NDST1: variants seen among roughly 807,000 people sequenced by gnomAD.
NDST1 encodes the protein N-deacetylase and N-sulfotransferase 1, also known as bifunctional heparan sulfate N-deacetylase/N-sulfotransferase 1.
In NDST1, 35 loss-of-function variants were observed where a neutral mutation model predicts 92.8. The observed-to-expected ratio is 0.38, with a 90% CI of 0.29 to 0.50. NDST1 has a LOEUF of 0.50. Among genes scored for constraint, NDST1 ranks in the 20% least tolerant of loss-of-function variants. NDST1 has a pLI of 0.94. For synonymous variants in NDST1, 493 were observed against 500.3 expected (o/e 0.99, Z 0.19); for missense variants, 822 against 1,182.7 (o/e 0.69, Z 4.47).
intron 1 of NDST1, among the ~76,000 whole-genome samples, chr5:150,500,378 G>C (rs1753177033): frequency 6.6e-6 from 1 of 152,202 alleles, no homozygotes. Context: ...CTGTTGTGCT[G>C]GGCGACATTA....
upstream of NDST1, among the ~76,000 whole-genome samples, chr5:150,506,109 G>C (rs147894335): frequency 1.3e-5 from 2 of 152,286 alleles, no homozygotes; most frequent in African/African-American, 2.4e-5. Context: ...ACATTGTGGA[G>C]AATAAGAACC....
chr5:150,551,852 G>A lies in NDST1; in HGVS notation c.2526G>A (p.Leu842=). The A allele has an allele frequency of 6.2e-7, 1 of 1,612,946 alleles. No individual in the cohort carries two copies. The highest frequency in any genetic ancestry group is 8.5e-7 in the Non-Finnish European group (1 of 1,179,112). Residue 842 remains leucine, a synonymous_variant, in exon 14 of 15, where the codon TTG becomes TTA. Coordinates refer to ENST00000261797, the MANE Select transcript of NDST1 (RefSeq NM_001543.5). The stretch of plus-strand genomic sequence containing the variant: ...GCCGGAAATATCCCGAGATGGACTT[G>A]GATGTAAGTGGTGGACACACTACCT... The part of the protein sequence containing the change: ...SKGRKYPEMD[L]DSRAFLKDYY...
chr5:150,504,051 A>G (rs1753344993), upstream of NDST1, among the ~76,000 whole-genome samples: 1 of 152,184 alleles, frequency 6.6e-6, no homozygotes. Flanking sequence ...TTGCTCCAGC[A>G]GAGCCGTGGA....
chr5:150,498,226 C>A (rs1753079001), exon 1 of NDST1: 1 of 152,392 alleles, frequency 6.6e-6, no homozygotes. Flanking sequence ...CACTTAGGAG[C>A]TGTGTGACAT....
rs762970504 is a variant in NDST1 at position 150,557,394 on chromosome 5, C to T, written c.*4062C>T. ...CCTGGAGACCCGTGGTCTGTGTGCA[C>T]TGGAGCAGAGCCAGGCTCTCAGTTG... On this transcript the variant is annotated 3_prime_UTR_variant, in exon 15 of 15. Coordinates refer to ENST00000261797, the MANE Select transcript of NDST1 (RefSeq NM_001543.5). This position sits in a 1 kb window ranked among gnomAD's most constrained non-coding sequence, Gnocchi z 4.7. The T allele has an allele frequency of 1.3e-5, 2 of 152,672 alleles. No homozygotes were observed. Among genetic ancestry groups the T allele is most frequent in the Non-Finnish European group, 2.9e-5 (2 of 68,076 alleles). The allele number at this position is 152,672 out of a possible 1,614,324, so 9.5% of individuals were successfully genotyped here.
intron 1 of NDST1, among the ~76,000 whole-genome samples, chr5:150,519,831 G>C (rs11747064): frequency 4.5e-4 from 68 of 152,284 alleles, no homozygotes; most frequent in Non-Finnish European, 8.2e-4. Context: ...CCTTTGTGTC[G>C]TGTATGTACG....
Position 150,540,237 on chromosome 5 carries a change from C to T in NDST1, c.1722C>T (p.Phe574=), listed in dbSNP as rs540925452. Residue 574 remains phenylalanine, a synonymous_variant, in exon 8 of 15, where the codon TTC becomes TTT. Coordinates refer to ENST00000261797, the MANE Select transcript of NDST1 (RefSeq NM_001543.5). ...TGGCGCAGAAGTACTTCCAGATCTT[C>T]TCCGAGGAGAAGGACCCGCTCTGGC... ...VQLAQKYFQI[F]SEEKDPLWQD... is the part of the protein sequence containing the mutation. 6.2e-7 allele frequency: 1 copy of T among 1,611,340 alleles called. No individual in the cohort carries two copies. The highest frequency in any genetic ancestry group is 1.1e-5 in the South Asian group (1 of 91,030).
chr5:150,534,522 A>T (rs575394684), intron 4 of NDST1, among the ~76,000 whole-genome samples: 1 of 152,232 alleles, frequency 6.6e-6, no homozygotes, highest in South Asian at 2.1e-4. Flanking sequence ...GATAAAAGAC[A>T]AGTGACCTGA....
At chr5:150,539,934 C>A in intron 7 of NDST1, 148 bp from the exon 8 acceptor site, 1 of 1,223,322 alleles carries the variant, frequency 8.2e-7, no homozygotes, top group Non-Finnish European at 1.2e-6. Context: ...CAAGTACTCG[C>A]AGCGAGTTTG....
intron 1 of NDST1, among the ~76,000 whole-genome samples, chr5:150,514,079 G>T (rs1305276750): frequency 2.0e-5 from 3 of 152,204 alleles, no homozygotes; most frequent in African/African-American, 7.2e-5. Flanking sequence ...TTCCCCTCAT[G>T]CCCCTGCCTA....
intron 14 of NDST1, among the ~76,000 whole-genome samples, chr5:150,552,346 T>C (rs919023033): frequency 1.3e-5 from 2 of 151,854 alleles, no homozygotes; most frequent in African/African-American, 2.4e-5. Flanking sequence ...TTTGGACATA[T>C]GGAATGGGAG....
chr5:150,523,300 C>T (rs1354846024), intron 2 of NDST1, among the ~76,000 whole-genome samples: 2 of 152,342 alleles, frequency 1.3e-5, no homozygotes, highest in Non-Finnish European at 2.9e-5. Flanking sequence ...TCTCTTTTCT[C>T]TTGGACTCTG....
chr5:150,501,281 T>G (rs1339572182), intron 1 of NDST1, among the ~76,000 whole-genome samples: 2 of 151,940 alleles, frequency 1.3e-5, no homozygotes, highest in Non-Finnish European at 1.5e-5. Context: ...GCTGGGAGCA[T>G]GGGGTAGGCA....
chr5:150,536,714 C>T (rs1295871055), intron 6 of NDST1, among the ~76,000 whole-genome samples: 1 of 152,120 alleles, frequency 6.6e-6, no homozygotes, highest in Non-Finnish European at 1.5e-5. Context: ...GACAGGCATA[C>T]ACCACCATGC....
intron 1 of NDST1, among the ~76,000 whole-genome samples, chr5:150,498,467 G>C (rs188719044): frequency 1.4e-3 from 211 of 152,276 alleles, no homozygotes; most frequent in Non-Finnish European, 2.4e-3. Context: ...TCCACCCCTG[G>C]CTCCGCACTC....
At chr5:150,502,272 G>A (rs1303013054) in intron 1 of NDST1, among the ~76,000 whole-genome samples, 5 of 152,142 alleles carry the variant, frequency 3.3e-5, no homozygotes, top group Non-Finnish European at 4.4e-5. Context: ...GGGTGGGGAC[G>A]GCGGGGGAGC....
At chr5:150,498,471 C>G (rs1329874513) in intron 1 of NDST1, among the ~76,000 whole-genome samples, 1 of 152,146 alleles carries the variant, frequency 6.6e-6, no homozygotes, top group African/African-American at 2.4e-5. Flanking sequence ...CCCCTGGCTC[C>G]GCACTCTGTG....
At chr5:150,542,113 T>C (rs1419705639) in intron 9 of NDST1, among the ~76,000 whole-genome samples, 2 of 152,216 alleles carry the variant, frequency 1.3e-5, no homozygotes, top group African/African-American at 4.8e-5. Flanking sequence ...TCCCATTTTG[T>C]AGACAGAAAC....
intron 2 of NDST1, among the ~76,000 whole-genome samples, chr5:150,526,232 A>G (rs1284424136): frequency 1.3e-5 from 2 of 152,350 alleles, no homozygotes; most frequent in African/African-American, 4.8e-5. Context: ...CTGTTCCACA[A>G]ATATGAACCT....
Sources: allele counts gnomAD v4.1 joint callset (sites outside exome capture counted in the v4.1 genomes callset), GRCh38; gene constraint gnomAD v4.1.1; non-coding constraint Gnocchi (gnomAD v3.1); transcripts MANE v1.5; gene names NCBI Gene and HGNC (gene_info 2026-07-23, HGNC 2026-07-21).